Variants in MEGF9 observed in about 807,000 individuals in gnomAD.
MEGF9 encodes multiple epidermal growth factor-like domains protein 9.
Under a neutral mutation model 46.8 loss-of-function variants are expected in MEGF9, and 6 were observed. The observed-to-expected ratio is 0.13, with a 90% CI of 0.07 to 0.25. The LOEUF is 0.25. MEGF9 is among the 10% of genes least tolerant of loss of function. MEGF9 has a pLI of 1.00. For missense variants in MEGF9, 683 were observed against 792.4 expected (o/e 0.86, Z 1.66); for synonymous variants, 302 against 330.7 (o/e 0.91, Z 0.94).
At chr9:120,694,913 C>T (rs777215473) in intron 1 of MEGF9, among the ~76,000 whole-genome samples, 7 of 142,706 alleles carry the variant, frequency 4.9e-5, no homozygotes, top group Non-Finnish European at 9.2e-5. Flanking sequence ...ATTCAAAGGC[C>T]TTTTTGACAG....
chr9:120,639,381 C>A (rs138952764), intron 2 of MEGF9, among the ~76,000 whole-genome samples: 1 of 151,654 alleles, frequency 6.6e-6, no homozygotes, highest in Non-Finnish European at 1.5e-5. Context: ...TGGCGGCATG[C>A]GCTTGTAATC....
intron 1 of MEGF9, among the ~76,000 whole-genome samples, chr9:120,700,652 A>G (rs1485852794): frequency 6.6e-6 from 1 of 152,222 alleles, no homozygotes; most frequent in Non-Finnish European, 1.5e-5. Context: ...GTTATTTCCA[A>G]TAACCCTTCC....
chr9:120,646,061 T>C (rs938749561), intron 2 of MEGF9, among the ~76,000 whole-genome samples: 4 of 152,116 alleles, frequency 2.6e-5, no homozygotes, highest in South Asian at 2.1e-4. Context: ...AAATACAAAC[T>C]ACCTTTAGAT....
chr9:120,673,984 A>AT (rs1257234001), intron 1 of MEGF9, among the ~76,000 whole-genome samples: 1 of 151,624 alleles, frequency 6.6e-6, no homozygotes, highest in East Asian at 1.9e-4. Context: ...AAAAAAAAAA[A>AT]AAAAATTAAC....
intron 3 of MEGF9, among the ~76,000 whole-genome samples, chr9:120,619,071 C>A (rs577148186): frequency 1.3e-5 from 2 of 152,226 alleles, no homozygotes; most frequent in South Asian, 2.1e-4. Context: ...ATCAGCCAGG[C>A]ACAGTGGCTC....
intron 3 of MEGF9, among the ~76,000 whole-genome samples, chr9:120,622,054 T>C (rs375418793): frequency 2.4e-4 from 37 of 152,340 alleles, no homozygotes; most frequent in African/African-American, 6.7e-4. Context: ...CCTCTCTTTC[T>C]AAAGGGATTT....
intron 2 of MEGF9, among the ~76,000 whole-genome samples, chr9:120,658,087 C>T (rs186127645): frequency 3.9e-5 from 6 of 151,958 alleles, no homozygotes; most frequent in East Asian, 1.9e-4. Flanking sequence ...CGGGTTCAAC[C>T]GATTCTCCTG....
intron 2 of MEGF9, among the ~76,000 whole-genome samples, chr9:120,630,167 C>A (rs764169616): frequency 2.6e-5 from 4 of 152,130 alleles, no homozygotes; most frequent in Non-Finnish European, 5.9e-5. Context: ...TGTTAACCAA[C>A]CTTTGGCTAT....
At chr9:120,702,784 C>T (rs1419819794) in intron 1 of MEGF9, among the ~76,000 whole-genome samples, 1 of 152,088 alleles carries the variant, frequency 6.6e-6, no homozygotes, top group Non-Finnish European at 1.5e-5. Flanking sequence ...AGAAGTAGAC[C>T]TGTTGGCCTC....
chr9:120,666,609 T>C (rs908135199), intron 1 of MEGF9, among the ~76,000 whole-genome samples: 1 of 152,346 alleles, frequency 6.6e-6, no homozygotes, highest in African/African-American at 2.4e-5. Flanking sequence ...AAGTTAATTA[T>C]ACCTTTACTA....
rs540104270 is a variant in MEGF9, at chr9:120,629,981, G to A, written c.804-7226C>T. 2.7e-4 allele frequency among the ~76,000 whole-genome samples: 41 copies of A among 151,672 alleles called. 1 individual carries two copies. Among genetic ancestry groups the A allele is most frequent in the African/African-American group, 8.4e-4 (35 of 41,424 alleles). On this transcript the variant is annotated intron_variant, in intron 2 of 5. Coordinates refer to ENST00000373930, the MANE Select transcript of MEGF9 (RefSeq NM_001080497.3). The stretch of plus-strand genomic sequence containing the variant: ...TATTGGAACACAGTCATTAATTTAC[G>A]TATTGTCTATGGCTATTTTCACTCT...
At chr9:120,690,063 A>G (rs573053779) in intron 1 of MEGF9, 10 of 478,240 alleles carry the variant, frequency 2.1e-5, no homozygotes, top group African/African-American at 1.4e-4. Context: ...ATATTTTCCA[A>G]AGAAGGAGTT....
At chr9:120,711,840 T>TACACACACACAC (rs146669450) in intron 1 of MEGF9, among the ~76,000 whole-genome samples, 4,518 of 139,056 alleles carry the variant, frequency 0.032, 77 homozygotes, top group Non-Finnish European at 0.044. Context: ...TATACATACA[T>TACACACACACAC]ACATACACAC....
At chr9:120,636,038 G>A (rs1322009968) in intron 2 of MEGF9, among the ~76,000 whole-genome samples, 3 of 152,182 alleles carry the variant, frequency 2.0e-5, no homozygotes, top group South Asian at 2.1e-4. Context: ...AAGTTCAAGC[G>A]ATTCTCTTGC....
intron 1 of MEGF9, among the ~76,000 whole-genome samples, chr9:120,703,027 A>G (rs895353552): frequency 1.3e-5 from 2 of 152,226 alleles, no homozygotes; most frequent in African/African-American, 4.8e-5. Flanking sequence ...TCAAATGTTC[A>G]TTTGTCCATT....
At position 120,605,450 on chromosome 9, in the gene MEGF9, T is replaced by C. The variant is rs371276780; in HGVS notation, c.1549A>G (p.Ile517Val). The C allele has an allele frequency of 8.1e-6, 13 of 1,613,984 alleles. No homozygotes were observed. The South Asian group carries it at 1.2e-4, about 15-fold the overall frequency. The change falls in exon 6 of 6, where the codon ATT (isoleucine) becomes GTT (valine). Residue 517 changes from isoleucine (I) to valine (V), a missense_variant. Physicochemically the swap from Ile to Val is conservative, Grantham distance 29. Coordinates refer to ENST00000373930, the MANE Select transcript of MEGF9 (RefSeq NM_001080497.3). The surrounding 1 kb of genome is among the most constrained non-coding windows in gnomAD (Gnocchi z 4.0). ...ACAACAATGATGATGACTGTCAAAA[T>C]GATGATGTTAAATTGGGTCCATGAT... ...DVSWTQFNII[I>V]LTVIIIVVVL...
intron 2 of MEGF9, among the ~76,000 whole-genome samples, chr9:120,646,779 T>A (rs1430385858): frequency 6.6e-6 from 1 of 152,194 alleles, no homozygotes; most frequent in Non-Finnish European, 1.5e-5. Flanking sequence ...CTCACAAGGC[T>A]TATTAAATTA....
intron 1 of MEGF9, among the ~76,000 whole-genome samples, chr9:120,688,130 AACACAC>A (rs34218836): frequency 0.048 from 6,872 of 142,534 alleles, 232 homozygotes; most frequent in African/African-American, 0.097. Context: ...TCCTCTCCGC[AACACAC>A]ACACACACAC....
intron 2 of MEGF9, among the ~76,000 whole-genome samples, chr9:120,639,508 TAAAAA>T (rs61638928): frequency 9.5e-6 from 1 of 105,182 alleles, no homozygotes; most frequent in African/African-American, 3.9e-5. Flanking sequence ...ACTCCGTCTT[TAAAAA>T]AAAAAAAAAA....
Sources: allele counts gnomAD v4.1 joint callset (sites outside exome capture counted in the v4.1 genomes callset), GRCh38; gene constraint gnomAD v4.1.1; non-coding constraint Gnocchi (gnomAD v3.1); transcripts MANE v1.5; gene names NCBI Gene and HGNC (gene_info 2026-07-23, HGNC 2026-07-21).